Variants in DSCAM observed in about 807,000 individuals in gnomAD.
DSCAM encodes DS cell adhesion molecule, also known as cell adhesion molecule DSCAM.
A neutral mutation model predicts 217.7 loss-of-function variants in DSCAM; 47 were observed. The ratio of observed to expected loss-of-function variants is 0.22; its 90% CI spans 0.17 to 0.28. DSCAM has a LOEUF of 0.28. Among genes scored for constraint, DSCAM ranks in the 10% least tolerant of loss-of-function variants. The pLI, the probability that DSCAM is intolerant of heterozygous loss-of-function variation, is 1.00. For synonymous variants in DSCAM, 1,056 were observed against 1,015.3 expected (o/e 1.04, Z -0.76); for missense variants, 2,080 against 2,618.3 (o/e 0.79, Z 4.49).
At chr21:40,095,135 C>T (rs112130037) in intron 20 of DSCAM, among the ~76,000 whole-genome samples, 2,790 of 152,294 alleles carry the variant, frequency 0.018, 45 homozygotes, top group Middle Eastern at 0.071. Flanking sequence ...TACATGGTGG[C>T]AGGCAAGAAA....
At chr21:40,036,821 A>T (rs2088634040) in intron 32 of DSCAM, among the ~76,000 whole-genome samples, 1 of 148,542 alleles carries the variant, frequency 6.7e-6, no homozygotes, top group Admixed American at 6.6e-5. Context: ...ATCCACCATG[A>T]TCAAGTGGGC....
intron 11 of DSCAM, among the ~76,000 whole-genome samples, chr21:40,190,779 C>A (rs1366091120): frequency 6.6e-6 from 1 of 152,178 alleles, no homozygotes; most frequent in African/African-American, 2.4e-5. Flanking sequence ...GCCGTGAGCT[C>A]ACAAACTGAA....
intron 27 of DSCAM, among the ~76,000 whole-genome samples, chr21:40,063,400 A>G (rs1222064406): frequency 4.6e-5 from 7 of 152,148 alleles, no homozygotes; most frequent in Admixed American, 3.9e-4. Flanking sequence ...AAATTAAAAA[A>G]ACTTTATTTT....
intron 3 of DSCAM, among the ~76,000 whole-genome samples, chr21:40,404,059 A>G (rs936265304): frequency 1.3e-5 from 2 of 152,148 alleles, no homozygotes; most frequent in African/African-American, 4.8e-5. Flanking sequence ...AAGCCCTGAG[A>G]TGGACTGCTG....
intron 3 of DSCAM, among the ~76,000 whole-genome samples, chr21:40,476,756 C>T (rs1053326335): frequency 1.3e-5 from 2 of 152,038 alleles, no homozygotes; most frequent in Admixed American, 1.3e-4. Context: ...AAAAATCAGT[C>T]ATTGTAGGCT....
At chr21:40,032,800 T>C (rs954545799) in intron 32 of DSCAM, among the ~76,000 whole-genome samples, 1 of 152,182 alleles carries the variant, frequency 6.6e-6, no homozygotes, top group Non-Finnish European at 1.5e-5. Flanking sequence ...TTTGCATCAA[T>C]ATCCAGCTCT....
intron 16 of DSCAM, among the ~76,000 whole-genome samples, chr21:40,146,071 T>C (rs2090353412): frequency 6.6e-6 from 1 of 152,082 alleles, no homozygotes; most frequent in African/African-American, 2.4e-5. Context: ...CTCTCAAGCC[T>C]CTGAAAGCTT....
At chr21:40,120,316 C>T (rs891657116) in intron 20 of DSCAM, among the ~76,000 whole-genome samples, 1 of 152,156 alleles carries the variant, frequency 6.6e-6, no homozygotes. Flanking sequence ...GAAGTCTGTG[C>T]TTCCTAATTT....
chr21:40,528,392 T>C (rs2076416581), intron 3 of DSCAM, among the ~76,000 whole-genome samples: 1 of 152,208 alleles, frequency 6.6e-6, no homozygotes, highest in African/African-American at 2.4e-5. Flanking sequence ...ACTGGCCTGT[T>C]ATTTTGTTAT....
rs910431993 is a variant in DSCAM at position 40,044,872 on chromosome 21, T to G, written c.5186-597A>C. ...GACCTCCTTTCTACATCCTTAGGTG[T>G]TGTTATGCGTGAATCACGTCCCCCC... On this transcript the variant is annotated intron_variant, in intron 30 of 32. Coordinates refer to ENST00000400454, the MANE Select transcript of DSCAM (RefSeq NM_001389.5). 4.6e-5 allele frequency among the ~76,000 whole-genome samples: 7 copies of G among 152,192 alleles called. No homozygotes were observed. In the East Asian group the frequency reaches 7.7e-4, roughly 17 times the overall value.
chr21:40,666,643 T>C (rs1318353856), intron 3 of DSCAM, among the ~76,000 whole-genome samples: 2 of 152,328 alleles, frequency 1.3e-5, no homozygotes, highest in East Asian at 3.9e-4. Flanking sequence ...GTGGTTGTTT[T>C]CCTGGGCGTT....
At chr21:40,070,946 C>T (rs1272404709) in intron 27 of DSCAM, among the ~76,000 whole-genome samples, 3 of 152,198 alleles carry the variant, frequency 2.0e-5, no homozygotes. Flanking sequence ...AAGCAAGACA[C>T]TCTGCCACAA....
chr21:40,696,591 G>C lies in DSCAM; in HGVS notation c.362-3635C>G, dbSNP rs146782185. Reference sequence around the variant, plus strand: ...CCCAAGCAATCCTCTGAAGGCTGCAGGTTCATGTTCTTAGCAACCAGCGCG... The same window carrying C: ...CCCAAGCAATCCTCTGAAGGCTGCACGTTCATGTTCTTAGCAACCAGCGCG... On this transcript the variant is annotated intron_variant, in intron 2 of 32. Coordinates refer to ENST00000400454, the MANE Select transcript of DSCAM (RefSeq NM_001389.5). Among the ~76,000 whole-genome samples the C allele has an allele frequency of 2.7e-3, 404 of 152,284 alleles. 1 individual carries two copies. The highest frequency in any genetic ancestry group is 4.5e-3 in the Non-Finnish European group (307 of 68,026).
At chr21:40,457,745 A>T (rs1308490668) in intron 3 of DSCAM, among the ~76,000 whole-genome samples, 1 of 152,232 alleles carries the variant, frequency 6.6e-6, no homozygotes, top group Non-Finnish European at 1.5e-5. Context: ...AATGTGCTAC[A>T]TATGCCTCCC....
At chr21:40,767,517 A>C (rs116848540) in intron 1 of DSCAM, among the ~76,000 whole-genome samples, 1,669 of 152,292 alleles carry the variant, frequency 0.011, 28 homozygotes, top group Admixed American at 0.017. Flanking sequence ...CTTTAGGATG[A>C]CATACAAAAT....
At chr21:40,589,591 A>G (rs1388476309) in intron 3 of DSCAM, among the ~76,000 whole-genome samples, 1 of 152,196 alleles carries the variant, frequency 6.6e-6, no homozygotes, top group African/African-American at 2.4e-5. Flanking sequence ...AGAAAAGAAA[A>G]AAACACACAA....
intron 3 of DSCAM, among the ~76,000 whole-genome samples, chr21:40,507,058 C>G (rs1475879062): frequency 6.6e-6 from 1 of 152,134 alleles, no homozygotes; most frequent in Non-Finnish European, 1.5e-5. Flanking sequence ...GCAGGCAGAT[C>G]GCAAGGTGAG....
At chr21:40,620,298 A>AG (rs1555872350) in intron 3 of DSCAM, among the ~76,000 whole-genome samples, 4 of 74,060 alleles carry the variant, frequency 5.4e-5, no homozygotes, top group African/African-American at 1.5e-4. Flanking sequence ...AGAAAAAAGA[A>AG]AAAGAAAGAG....
rs370716246 is a variant in DSCAM at position 40,142,538 on chromosome 21, T to C, written c.3406+20A>G. Reference sequence around the variant, plus strand: ...GCATTCTCTGGAGGCAAACCCAAAGTCCTAGTTTAGTCCTCTTACCTCCGT... The same window carrying C: ...GCATTCTCTGGAGGCAAACCCAAAGCCCTAGTTTAGTCCTCTTACCTCCGT... On this transcript the variant is annotated intron_variant, in intron 18 of 32. Transcript: ENST00000400454. The C allele has an allele frequency of 5.6e-6, 9 of 1,613,374 alleles. No homozygotes were observed. Among genetic ancestry groups the C allele is most frequent in the Non-Finnish European group, 7.6e-6 (9 of 1,179,654 alleles).
Sources: gnomAD v4.1 joint callset for allele counts (sites outside exome capture counted in the v4.1 genomes callset) on GRCh38, gnomAD v4.1.1 for gene constraint, MANE v1.5 for transcripts, NCBI Gene and HGNC (gene_info 2026-07-23, HGNC 2026-07-21) for gene names.